SLC1A1: variants seen among roughly 807,000 people sequenced by gnomAD.
The protein encoded by SLC1A1 is solute carrier family 1 member 1, also known as excitatory amino acid transporter 3.
SLC1A1 carries 43 observed loss-of-function variants against 53.3 expected under a neutral mutation model. The ratio of observed to expected loss-of-function variants is 0.81; its 90% CI spans 0.63 to 1.04. The LOEUF is 1.04. Ranked by LOEUF, SLC1A1 falls within the 50% of genes least tolerant of loss-of-function variation. SLC1A1 has a pLI of 0.00. For synonymous variants in SLC1A1, 307 were observed against 243.2 expected (o/e 1.26, Z -2.44); for missense variants, 748 against 664.9 (o/e 1.12, Z -1.37).
intron 1 of SLC1A1, among the ~76,000 whole-genome samples, chr9:4,541,508 T>G (rs888175354): frequency 2.0e-5 from 3 of 152,196 alleles, no homozygotes. Context: ...AGCCTTTGTG[T>G]GAAAGAGGAA....
rs868546239 is a variant in SLC1A1 at position 4,578,975 on chromosome 9, C to T, written c.1193+2212C>T. Among the ~76,000 whole-genome samples the T allele has an allele frequency of 4.6e-5, 7 of 152,202 alleles. No homozygotes were observed. In the South Asian group the frequency reaches 8.3e-4, roughly 18 times the overall value. The stretch of plus-strand genomic sequence containing the variant: ...TTTAGAGTTAATTCATTCTTGTGTC[C>T]CAGCCTAAACATAAATTCTAGGGAT... On this transcript the variant is annotated intron_variant, in intron 10 of 11. Transcript: ENST00000262352.
At chr9:4,561,623 G>A (rs532304961) in intron 3 of SLC1A1, 82 bp downstream of exon 3, 16 of 875,670 alleles carry the variant, frequency 1.8e-5, no homozygotes, top group Admixed American at 1.2e-4. Flanking sequence ...CAGATGCGGT[G>A]GCTCAGGCCT....
chr9:4,526,541 G>A (rs527261618), intron 1 of SLC1A1, among the ~76,000 whole-genome samples: 3 of 152,102 alleles, frequency 2.0e-5, no homozygotes, highest in South Asian at 4.1e-4. Context: ...AGGATGCAAT[G>A]GACCCTCAAC....
rs894201287 is a variant in SLC1A1 at position 4,585,626 on chromosome 9, T to A, written c.*68T>A. 1.9e-6 allele frequency: 3 copies of A among 1,580,690 alleles called. No homozygotes were observed. In the African/African-American group the frequency reaches 4.0e-5, roughly 21 times the overall value. On this transcript the variant is annotated 3_prime_UTR_variant, in exon 12 of 12. Transcript: ENST00000262352. ...CGTGAGAGTCATCTCAAACACTGCT[T>A]AAGGAAAAGAGAAACACTAATGGCC...
intron 1 of SLC1A1, among the ~76,000 whole-genome samples, chr9:4,499,643 A>G (rs184765976): frequency 1.3e-5 from 2 of 152,390 alleles, no homozygotes; most frequent in African/African-American, 4.8e-5. Flanking sequence ...GATTTTACAT[A>G]TTAGACTCTG....
intron 1 of SLC1A1, among the ~76,000 whole-genome samples, chr9:4,510,252 T>C (rs1820955719): frequency 6.6e-6 from 1 of 152,186 alleles, no homozygotes; most frequent in African/African-American, 2.4e-5. Flanking sequence ...CTCCTGCTGT[T>C]CACACAAGCC....
At chr9:4,536,447 G>C (rs201609369) in intron 1 of SLC1A1, among the ~76,000 whole-genome samples, 25 of 152,208 alleles carry the variant, frequency 1.6e-4, no homozygotes, top group East Asian at 5.8e-4. Context: ...AAAAAATGCT[G>C]ATCATCACTG....
chr9:4,576,718 A>G lies in SLC1A1; in HGVS notation c.1148A>G (p.Gln383Arg). The change falls in exon 10 of 12, where the codon CAG (glutamine) becomes CGG (arginine). Residue 383 changes from glutamine to arginine, a missense_variant. Transcript: ENST00000262352. ...GCAGTGGCAGCGGTGTTTATTGCAC[A>G]GTTGAATGACCTGGACTTGGGCATT... ...YEAVAAVFIA[Q>R]LNDLDLGIGQ... 3 of 1,614,216 alleles carry G rather than the reference A, an allele frequency of 1.9e-6. No homozygotes were observed. The highest frequency in any genetic ancestry group is 2.5e-6 in the Non-Finnish European group (3 of 1,180,034).
intron 1 of SLC1A1, among the ~76,000 whole-genome samples, chr9:4,517,302 C>T (rs1159300543): frequency 6.6e-6 from 1 of 152,212 alleles, no homozygotes; most frequent in African/African-American, 2.4e-5. Context: ...AAGGGTAGCT[C>T]TGAACTCCTA....
In SLC1A1 at chr9:4,586,015, A is replaced by C. The variant is rs896208456; in HGVS notation, c.*457A>C. On this transcript the variant is annotated 3_prime_UTR_variant, in exon 12 of 12. Transcript: ENST00000262352. ...TTTTTATAAATTATAATGCATCTAAACCACCTGTCCCCAGTTAATGTGCCA... is the reference window on the plus strand; with the variant it reads ...TTTTTATAAATTATAATGCATCTAACCCACCTGTCCCCAGTTAATGTGCCA... The C allele has an allele frequency of 1.7e-5, 3 of 179,172 alleles. No homozygotes were observed. The highest frequency in any genetic ancestry group is 3.6e-5 in the Non-Finnish European group (3 of 83,992). 11.1% of individuals were successfully genotyped at this position (179,172 alleles called of 1,614,324 possible).
chr9:4,497,091 G>A (rs183827258), intron 1 of SLC1A1, among the ~76,000 whole-genome samples: 22 of 152,176 alleles, frequency 1.4e-4, no homozygotes, highest in African/African-American at 5.3e-4. Flanking sequence ...TCCTGTGGCT[G>A]CCCTAACAAA....
intron 1 of SLC1A1, among the ~76,000 whole-genome samples, chr9:4,511,451 C>T (rs371160177): frequency 6.6e-6 from 1 of 152,076 alleles, no homozygotes; most frequent in Non-Finnish European, 1.5e-5. Context: ...CTTCTAACAC[C>T]ATCACATTGA....
At chr9:4,540,850 G>T (rs554560114) in intron 1 of SLC1A1, among the ~76,000 whole-genome samples, 1 of 152,244 alleles carries the variant, frequency 6.6e-6, no homozygotes, top group Non-Finnish European at 1.5e-5. Context: ...GGACATCAAG[G>T]CTCAGAGGTG....
At position 4,568,279 on chromosome 9, in the gene SLC1A1, G is replaced by A. The variant is rs139777064; in HGVS notation, c.582+512G>A. On this transcript the variant is annotated intron_variant, in intron 6 of 11. Transcript: ENST00000262352. ...TACAAAAAATGAAAAATAGCCGGGT[G>A]TGATGGTGCACACCTATTGTCCCAG... Among the ~76,000 whole-genome samples, 693 of 152,100 alleles carry A rather than the reference G, an allele frequency of 4.6e-3. 4 individuals carry two copies. The highest frequency in any genetic ancestry group is 0.016 in the African/African-American group (669 of 41,484).
chr9:4,539,382 AAAAAC>A (rs988362214), intron 1 of SLC1A1, among the ~76,000 whole-genome samples: 7 of 152,214 alleles, frequency 4.6e-5, no homozygotes, highest in Non-Finnish European at 1.0e-4. Flanking sequence ...CTTAGCAACA[AAAAAC>A]AAATCACTTC....
chr9:4,561,933 T>A (rs1395492217), intron 3 of SLC1A1, among the ~76,000 whole-genome samples: 1 of 152,128 alleles, frequency 6.6e-6, no homozygotes, highest in East Asian at 1.9e-4. Flanking sequence ...TTTTTTTAAT[T>A]AAAAAGAGAC....
chr9:4,577,079 T>C (rs1297865259), intron 10 of SLC1A1, among the ~76,000 whole-genome samples: 6 of 152,134 alleles, frequency 3.9e-5, no homozygotes, highest in African/African-American at 1.4e-4. Flanking sequence ...GGCATGCACA[T>C]ATCCAAATGA....
intron 1 of SLC1A1, among the ~76,000 whole-genome samples, chr9:4,515,248 T>C (rs2130820407): frequency 6.6e-6 from 1 of 152,278 alleles, no homozygotes; most frequent in East Asian, 1.9e-4. Context: ...TGCTGCATTT[T>C]GTCTATCAAG....
chr9:4,513,910 G>A (rs559044388), intron 1 of SLC1A1, among the ~76,000 whole-genome samples: 2 of 152,194 alleles, frequency 1.3e-5, no homozygotes, highest in South Asian at 2.1e-4. Context: ...AATCTTAGAG[G>A]CATTATAGTC....
Sources: gnomAD v4.1 joint callset for allele counts (sites outside exome capture counted in the v4.1 genomes callset) on GRCh38, gnomAD v4.1.1 for gene constraint, MANE v1.5 for transcripts, NCBI Gene and HGNC (gene_info 2026-07-23, HGNC 2026-07-21) for gene names.